The following LDLRAD3 variants were observed in gnomAD, a reference collection of about 807,000 sequenced individuals.
LDLRAD3 encodes low density lipoprotein receptor class A domain containing 3, also known as low-density lipoprotein receptor class A domain-containing protein 3.
LDLRAD3 carries 20 observed loss-of-function variants against 29.4 expected under a neutral mutation model. That is an observed-to-expected ratio of 0.68 (90% CI 0.48 to 0.99). The LOEUF (loss-of-function observed/expected upper bound fraction) is 0.99. LDLRAD3 is among the 50% of genes least tolerant of loss of function. The pLI is 0.00. For missense variants in LDLRAD3, 420 were observed against 454.3 expected (o/e 0.92, Z 0.69); for synonymous variants, 157 against 192.7 (o/e 0.81, Z 1.53).
At chr11:36,129,392 A>G (rs1853890935) in intron 4 of LDLRAD3, among the ~76,000 whole-genome samples, 1 of 152,206 alleles carries the variant, frequency 6.6e-6, no homozygotes. Context: ...AATCAGCCCC[A>G]GAGCCTTCAT....
intron 4 of LDLRAD3, among the ~76,000 whole-genome samples, chr11:36,172,905 C>T (rs934006883): frequency 6.6e-6 from 1 of 152,180 alleles, no homozygotes; most frequent in Non-Finnish European, 1.5e-5. Flanking sequence ...GGGATTGGTA[C>T]TAATTCTTCC....
chr11:36,153,237 A>G (rs1854301510), intron 4 of LDLRAD3, among the ~76,000 whole-genome samples: 1 of 151,924 alleles, frequency 6.6e-6, no homozygotes, highest in Non-Finnish European at 1.5e-5. Flanking sequence ...TGGTATCCCC[A>G]CTTCTCAGAA....
intron 1 of LDLRAD3, among the ~76,000 whole-genome samples, chr11:36,034,548 C>T (rs920397681): frequency 2.6e-5 from 4 of 152,198 alleles, no homozygotes; most frequent in Non-Finnish European, 4.4e-5. Flanking sequence ...AGTAATGAAA[C>T]GTGCATGTGC....
chr11:36,102,435 T>A (rs148654047), intron 4 of LDLRAD3, among the ~76,000 whole-genome samples: 1 of 152,112 alleles, frequency 6.6e-6, no homozygotes, highest in Non-Finnish European at 1.5e-5. Context: ...CTCTTCCAAT[T>A]TGACTAGGGT....
intron 4 of LDLRAD3, among the ~76,000 whole-genome samples, chr11:36,121,898 T>C (rs905545233): frequency 2.6e-5 from 4 of 152,336 alleles, no homozygotes; most frequent in South Asian, 2.1e-4. Flanking sequence ...CAATGGCTGG[T>C]GTTACTGAGC....
intron 4 of LDLRAD3, among the ~76,000 whole-genome samples, chr11:36,109,407 T>C (rs5020496): frequency 0.26 from 38,779 of 151,984 alleles, 5,623 homozygotes; most frequent in Non-Finnish European, 0.32. Context: ...TCAGGAAGTA[T>C]TTCAGGCTAG....
intron 4 of LDLRAD3, among the ~76,000 whole-genome samples, chr11:36,195,612 T>C (rs1855021118): frequency 6.6e-6 from 1 of 152,164 alleles, no homozygotes; most frequent in East Asian, 1.9e-4. Flanking sequence ...GACTCATAAT[T>C]CTAAAAGCCA....
At chr11:36,178,495 C>G (rs1408619908) in intron 4 of LDLRAD3, among the ~76,000 whole-genome samples, 1 of 152,216 alleles carries the variant, frequency 6.6e-6, no homozygotes, top group Non-Finnish European at 1.5e-5. Context: ...TGTTACCTCT[C>G]CCACTCAAAC....
At chr11:36,192,288 C>G (rs1854966053) in intron 4 of LDLRAD3, among the ~76,000 whole-genome samples, 1 of 152,226 alleles carries the variant, frequency 6.6e-6, no homozygotes, top group Non-Finnish European at 1.5e-5. Flanking sequence ...CATCTCTAGC[C>G]TCGCAACAGA....
intron 5 of LDLRAD3, among the ~76,000 whole-genome samples, chr11:36,228,194 C>T (rs1855526430): frequency 6.6e-6 from 1 of 152,154 alleles, no homozygotes; most frequent in African/African-American, 2.4e-5. Flanking sequence ...CTGGGCTCTT[C>T]CTTGGACCCT....
intron 1 of LDLRAD3, among the ~76,000 whole-genome samples, chr11:35,977,394 T>C (rs986754611): frequency 6.6e-6 from 1 of 152,040 alleles, no homozygotes; most frequent in Non-Finnish European, 1.5e-5. Context: ...TTAAGTAAAA[T>C]CAGGAGTCTT....
intron 4 of LDLRAD3, among the ~76,000 whole-genome samples, chr11:36,098,867 C>G (rs1341164145): frequency 6.6e-6 from 1 of 152,166 alleles, no homozygotes; most frequent in Non-Finnish European, 1.5e-5. Flanking sequence ...GTGTCTGTTA[C>G]ACCTCAGCAT....
intron 4 of LDLRAD3, among the ~76,000 whole-genome samples, chr11:36,144,664 TCTGAGAAGTGAGGAGCCCCTCCGCCC>T (rs1854145359): frequency 1.4e-5 from 1 of 71,402 alleles, no homozygotes; most frequent in Non-Finnish European, 2.8e-5. Flanking sequence ...AGCCACACCG[TCTGAGAAGTGAGGAGCCCCTCCGCCC>T]GGCAGCCACC....
At chr11:35,996,837 T>A (rs1851761435) in intron 1 of LDLRAD3, among the ~76,000 whole-genome samples, 1 of 152,196 alleles carries the variant, frequency 6.6e-6, no homozygotes, top group Non-Finnish European at 1.5e-5. Context: ...ACAGTGTGGG[T>A]TGTCTCATCC....
chr11:36,165,944 TCCTCCCTCCCTCCCTC>T lies in LDLRAD3; in HGVS notation c.455-61121_455-61106del, dbSNP rs1188329076. On this transcript the variant is annotated intron_variant, in intron 4 of 5. Transcript: ENST00000315571. ...TCTTTTCTAGGCTGACTGGCTTGCT[TCCTCCCTCCCTCCCTC>T]CCTCCCTCCCTCCCTCCCTTCCTTC... 2.5e-3 allele frequency among the ~76,000 whole-genome samples: 276 copies of T among 109,902 alleles called. 5 individuals carry two copies. The highest frequency in any genetic ancestry group is 8.2e-3 in the African/African-American group (222 of 27,074). The allele number at this position is 109,902 out of a possible 152,430, so 72.1% of individuals were successfully genotyped here.
intron 4 of LDLRAD3, among the ~76,000 whole-genome samples, chr11:36,154,636 A>G (rs1012520482): frequency 2.6e-5 from 4 of 152,326 alleles, no homozygotes; most frequent in African/African-American, 9.6e-5. Flanking sequence ...TACTGCCTGT[A>G]GCCTCCCATG....
intron 4 of LDLRAD3, among the ~76,000 whole-genome samples, chr11:36,178,815 A>G (rs1018205663): frequency 2.0e-5 from 3 of 152,148 alleles, no homozygotes; most frequent in Admixed American, 6.5e-5. Flanking sequence ...CTGCCTTTGA[A>G]CATCCATAGC....
At chr11:36,006,742 T>C (rs1218936992) in intron 1 of LDLRAD3, among the ~76,000 whole-genome samples, 7 of 152,240 alleles carry the variant, frequency 4.6e-5, no homozygotes, top group Non-Finnish European at 8.8e-5. Context: ...ATGCAGGATG[T>C]AGATATTTAG....
At chr11:35,993,003 A>G (rs1360932708) in intron 1 of LDLRAD3, among the ~76,000 whole-genome samples, 1 of 152,172 alleles carries the variant, frequency 6.6e-6, no homozygotes, top group Non-Finnish European at 1.5e-5. Context: ...AAGTGTCTGG[A>G]CATGAGCCAT....
Sources: allele counts gnomAD v4.1 joint callset (sites outside exome capture counted in the v4.1 genomes callset), GRCh38; gene constraint gnomAD v4.1.1; transcripts MANE v1.5; gene names NCBI Gene and HGNC (gene_info 2026-07-23, HGNC 2026-07-21).